Variants in PTPN13 observed in about 807,000 individuals in gnomAD.
PTPN13 encodes tyrosine-protein phosphatase non-receptor type 13.
A neutral mutation model predicts 284.0 loss-of-function variants in PTPN13; 191 were observed. The ratio of observed to expected loss-of-function variants is 0.67; its 90% CI spans 0.60 to 0.76. The LOEUF (loss-of-function observed/expected upper bound fraction) is 0.76. PTPN13 is among the 30% of genes least tolerant of loss of function. The pLI, the probability that PTPN13 is intolerant of heterozygous loss-of-function variation, is 0.00. For missense variants in PTPN13, 2,797 were observed against 2,939.9 expected (o/e 0.95, Z 1.12); for synonymous variants, 986 against 1,022.3 (o/e 0.96, Z 0.68).
intron 3 of PTPN13, among the ~76,000 whole-genome samples, chr4:86,678,742 C>T (rs1216074825): frequency 6.6e-6 from 1 of 152,212 alleles, no homozygotes; most frequent in East Asian, 1.9e-4. Context: ...TCATTCACCT[C>T]TGGCCCCATT....
At chr4:86,791,949 C>T (rs1742726808) in intron 40 of PTPN13, among the ~76,000 whole-genome samples, 1 of 152,172 alleles carries the variant, frequency 6.6e-6, no homozygotes, top group African/African-American at 2.4e-5. Context: ...TGCCTCTTCT[C>T]CTCCAAAGGA....
chr4:86,722,516 C>G, intron 10 of PTPN13, 82 bp downstream of exon 10: 1 of 1,151,268 alleles, frequency 8.7e-7, no homozygotes, highest in Non-Finnish European at 1.3e-6. Context: ...AAAATTGCTA[C>G]AGGTATCCAT....
chr4:86,749,316 A>G (rs1040109157), intron 17 of PTPN13, among the ~76,000 whole-genome samples: 1 of 150,000 alleles, frequency 6.7e-6, no homozygotes, highest in Admixed American at 6.7e-5. Context: ...CATCTTCATC[A>G]TCATCATCAT....
intron 21 of PTPN13, 66 bp from the exon 22 acceptor site, chr4:86,758,612 G>C: frequency 7.5e-7 from 1 of 1,329,034 alleles, no homozygotes; most frequent in South Asian, 1.2e-5. Flanking sequence ...TGTGTTTCAG[G>C]CAGGCTAATC....
intron 1 of PTPN13, among the ~76,000 whole-genome samples, chr4:86,626,731 T>A (rs372419603): frequency 3.2e-4 from 49 of 152,216 alleles, no homozygotes; most frequent in African/African-American, 1.1e-3. Context: ...TACCATATGA[T>A]TTAGCAATTC....
At chr4:86,639,888 G>A (rs571933256) in intron 2 of PTPN13, among the ~76,000 whole-genome samples, 6 of 152,190 alleles carry the variant, frequency 3.9e-5, no homozygotes, top group African/African-American at 7.2e-5. Context: ...AACTCTGGGG[G>A]TGCAGCCCAG....
At chr4:86,654,199 C>CA (rs905671274) in intron 2 of PTPN13, among the ~76,000 whole-genome samples, 2 of 151,986 alleles carry the variant, frequency 1.3e-5, no homozygotes, top group East Asian at 1.9e-4. Flanking sequence ...GATAGACACA[C>CA]AAAAAAACCC....
intron 43 of PTPN13, among the ~76,000 whole-genome samples, chr4:86,804,640 A>T (rs1023276060): frequency 2.0e-5 from 3 of 152,168 alleles, no homozygotes; most frequent in African/African-American, 7.2e-5. Context: ...TTTCTTTACC[A>T]CAGCAGCTTA....
chr4:86,602,075 G>A (rs909831100), intron 1 of PTPN13, among the ~76,000 whole-genome samples: 13 of 152,170 alleles, frequency 8.5e-5, no homozygotes, highest in African/African-American at 3.1e-4. Flanking sequence ...TAAATAACAT[G>A]TAAATTGCCT....
intron 1 of PTPN13, among the ~76,000 whole-genome samples, chr4:86,635,023 T>C (rs1722856007): frequency 6.6e-6 from 1 of 152,216 alleles, no homozygotes; most frequent in Non-Finnish European, 1.5e-5. Flanking sequence ...TCTCCAGTTC[T>C]GTCTCTGAAG....
intron 6 of PTPN13, among the ~76,000 whole-genome samples, chr4:86,695,978 G>A (rs1354925603): frequency 6.6e-6 from 1 of 151,874 alleles, no homozygotes; most frequent in Non-Finnish European, 1.5e-5. Context: ...GGTGAGCCTT[G>A]CAATATTTAT....
intron 42 of PTPN13, among the ~76,000 whole-genome samples, 178 bp from the exon 43 acceptor site, chr4:86,803,531 C>G (rs923742506): frequency 2.6e-5 from 4 of 152,082 alleles, no homozygotes; most frequent in Admixed American, 2.6e-4. Context: ...AGATCAAGGC[C>G]GCAGTGAGCT....
chr4:86,786,066 T>C, intron 40 of PTPN13, 130 bp downstream of exon 40: 1 of 444,444 alleles, frequency 2.3e-6, no homozygotes, highest in Non-Finnish European at 3.9e-6. Flanking sequence ...AAAACGGAGA[T>C]TAATTTCATG....
In PTPN13 at chr4:86,663,208, TAA is replaced by T. The variant is rs1308951846; in HGVS notation, c.116-9154_116-9153del. 7.2e-5 allele frequency among the ~76,000 whole-genome samples: 11 copies of T among 152,310 alleles called. No individual in the cohort carries two copies. The East Asian group carries it at 2.1e-3, about 29-fold the overall frequency. On this transcript the variant is annotated intron_variant, in intron 2 of 47. Transcript: ENST00000411767. The stretch of plus-strand genomic sequence containing the variant: ...AGGTTCATGGCTGAGGCCCCTATAA[TAA>T]AAGACAGATTAACAAGAGAAAAGCA...
intron 1 of PTPN13, among the ~76,000 whole-genome samples, chr4:86,603,491 G>A (rs1361774487): frequency 1.3e-5 from 2 of 152,044 alleles, no homozygotes; most frequent in Non-Finnish European, 2.9e-5. Context: ...AGCTGATATT[G>A]TGCATGCTTT....
intron 23 of PTPN13, among the ~76,000 whole-genome samples, chr4:86,761,212 A>G (rs1738655923): frequency 1.3e-5 from 2 of 148,218 alleles, no homozygotes; most frequent in South Asian, 2.1e-4. Context: ...AATCTGTTTT[A>G]TACTCTAAAT....
intron 12 of PTPN13, among the ~76,000 whole-genome samples, chr4:86,733,152 A>G (rs1053011887): frequency 6.6e-6 from 1 of 152,048 alleles, no homozygotes; most frequent in African/African-American, 2.4e-5. Flanking sequence ...TTAGTCTACT[A>G]TCCTAAAATC....
intron 1 of PTPN13, among the ~76,000 whole-genome samples, chr4:86,600,430 CACT>C (rs1764200797): frequency 1.0e-5 from 1 of 100,118 alleles, no homozygotes. Flanking sequence ...TTTACATAAC[CACT>C]TTTTTTTTTT....
At chr4:86,677,039 G>A (rs558319521) in intron 3 of PTPN13, among the ~76,000 whole-genome samples, 2 of 152,112 alleles carry the variant, frequency 1.3e-5, no homozygotes, top group Admixed American at 6.5e-5. Flanking sequence ...AGGCCGAAGC[G>A]GGCAGATCAC....
Sources: gnomAD v4.1 joint callset for allele counts (sites outside exome capture counted in the v4.1 genomes callset) on GRCh38, gnomAD v4.1.1 for gene constraint, MANE v1.5 for transcripts, NCBI Gene and HGNC (gene_info 2026-07-23, HGNC 2026-07-21) for gene names.